Variants in ZC3H12B observed in about 807,000 individuals in gnomAD.
ZC3H12B encodes probable ribonuclease ZC3H12B.
In ZC3H12B, 7 loss-of-function variants were observed where a neutral mutation model predicts 43.9. That is an observed-to-expected ratio of 0.16 (90% confidence interval 0.09 to 0.30). ZC3H12B has a LOEUF of 0.30. ZC3H12B is among the 10% of genes least tolerant of loss of function. The pLI is 1.00. For missense variants in ZC3H12B, 475 were observed against 670.2 expected (o/e 0.71, Z 3.22); for synonymous variants, 222 against 241.7 (o/e 0.92, Z 0.76).
At chrX:65,293,023 C>T in the ZC3H12B span, among the ~76,000 whole-genome samples, 1 of 112,042 alleles carries the variant, frequency 8.9e-6, no homozygotes, top group African/African-American at 3.2e-5. Context: ...AAACATCATT[C>T]AAATACTTTG....
At chrX:65,325,083 T>C in the ZC3H12B span, among the ~76,000 whole-genome samples, 1 of 111,193 alleles carries the variant, frequency 9.0e-6, no homozygotes, top group Admixed American at 9.6e-5. Context: ...TAAAGTTTAT[T>C]TTATCTTATA....
the ZC3H12B span, among the ~76,000 whole-genome samples, chrX:65,045,845 T>C: frequency 8.9e-6 from 1 of 112,132 alleles, no homozygotes. Flanking sequence ...TACTCCTTGA[T>C]TCATGGACCG....
chrX:65,046,850 A>G, the ZC3H12B span, among the ~76,000 whole-genome samples: 18 of 111,145 alleles, frequency 1.6e-4, no homozygotes, highest in Admixed American at 1.7e-3. Context: ...TAGGGTTATT[A>G]ATTATCATGA....
chrX:65,267,864 T>G, the ZC3H12B span, among the ~76,000 whole-genome samples: 1 of 111,449 alleles, frequency 9.0e-6, no homozygotes, highest in Non-Finnish European at 1.9e-5. Context: ...CTCAAGGAGA[T>G]AGGAAAAGAA....
At chrX:65,412,229 G>A (rs999418941) in intron 3 of ZC3H12B, among the ~76,000 whole-genome samples, 2 of 111,419 alleles carry the variant, frequency 1.8e-5, no homozygotes, top group East Asian at 5.6e-4. Flanking sequence ...TCATGTATAT[G>A]GAATTATACA....
At chrX:65,414,285 G>C (rs1466239391) in intron 3 of ZC3H12B, among the ~76,000 whole-genome samples, 1 of 110,434 alleles carries the variant, frequency 9.1e-6, no homozygotes, top group African/African-American at 3.3e-5. Flanking sequence ...GGGGGGAAGG[G>C]TTTGAGAAGT....
At chrX:65,124,546 T>C in the ZC3H12B span, among the ~76,000 whole-genome samples, 1 of 111,084 alleles carries the variant, frequency 9.0e-6, no homozygotes, top group Non-Finnish European at 1.9e-5. Context: ...TTTGGAATAG[T>C]GTCAATAAGA....
At chrX:65,089,245 G>T in the ZC3H12B span, among the ~76,000 whole-genome samples, 2 of 111,334 alleles carry the variant, frequency 1.8e-5, no homozygotes, top group Admixed American at 9.6e-5. Context: ...AAACCTAGAT[G>T]GTATAGCCTA....
At chrX:65,044,530 C>T in the ZC3H12B span, among the ~76,000 whole-genome samples, 1 of 103,919 alleles carries the variant, frequency 9.6e-6, no homozygotes, top group Non-Finnish European at 1.9e-5. Flanking sequence ...AGAATATTGA[C>T]TTGATTTGAT....
At chrX:65,408,414 C>T (rs1435892705) in intron 3 of ZC3H12B, 1 of 1,206,332 alleles carries the variant, frequency 8.3e-7, no homozygotes, top group Non-Finnish European at 1.1e-6. Flanking sequence ...GTCGAACGTG[C>T]CAAACAGGTG....
intron 2 of ZC3H12B, among the ~76,000 whole-genome samples, chrX:65,376,337 T>G (rs2066345989): frequency 8.9e-6 from 1 of 112,094 alleles, no homozygotes; most frequent in African/African-American, 3.2e-5. Flanking sequence ...GCCCTGGTAC[T>G]GGAGAAACTT....
At chrX:65,451,795 C>T (rs910834860) in intron 3 of ZC3H12B, among the ~76,000 whole-genome samples, 7 of 111,739 alleles carry the variant, frequency 6.3e-5, no homozygotes, top group Admixed American at 9.6e-5. Flanking sequence ...TGGGTTTGTG[C>T]GTTTAATTTC....
At chrX:65,260,747 A>G in the ZC3H12B span, among the ~76,000 whole-genome samples, 1 of 111,835 alleles carries the variant, frequency 8.9e-6, no homozygotes. Context: ...TTAATGTTCT[A>G]CCTTTTTACA....
the ZC3H12B span, among the ~76,000 whole-genome samples, chrX:65,250,496 CT>C: frequency 9.0e-6 from 1 of 111,707 alleles, no homozygotes; most frequent in Admixed American, 9.5e-5. Context: ...TTTCTAGATC[CT>C]TGAGGAATTG....
chrX:65,454,673 C>T (rs956091730), intron 3 of ZC3H12B, among the ~76,000 whole-genome samples: 2 of 111,979 alleles, frequency 1.8e-5, no homozygotes, highest in African/African-American at 3.2e-5. Flanking sequence ...GATGGACGGA[C>T]TGCCTCCTCA....
At chrX:65,466,282 A>C (rs2067816506) in intron 3 of ZC3H12B, among the ~76,000 whole-genome samples, 1 of 110,632 alleles carries the variant, frequency 9.0e-6, no homozygotes, top group South Asian at 3.8e-4. Flanking sequence ...TGCTTATTTA[A>C]CTTAGAATAA....
At chrX:65,207,298 C>A in the ZC3H12B span, among the ~76,000 whole-genome samples, 9 of 108,870 alleles carry the variant, frequency 8.3e-5, no homozygotes, top group Middle Eastern at 4.7e-3. Flanking sequence ...GTCTACTACT[C>A]ACCCATAAAA....
At chrX:65,146,667 A>T in the ZC3H12B span, among the ~76,000 whole-genome samples, 3 of 109,528 alleles carry the variant, frequency 2.7e-5, no homozygotes, top group African/African-American at 1.0e-4. Flanking sequence ...TTTATGAAGT[A>T]CTCTCCCCCT....
chrX:65,062,516 T>G, the ZC3H12B span, among the ~76,000 whole-genome samples: 1 of 111,941 alleles, frequency 8.9e-6, no homozygotes, highest in African/African-American at 3.2e-5. Flanking sequence ...AACATTTGTC[T>G]ATATATATGT....
Sources: gnomAD v4.1 joint callset for allele counts (sites outside exome capture counted in the v4.1 genomes callset) on GRCh38, gnomAD v4.1.1 for gene constraint, MANE v1.5 for transcripts, NCBI Gene and HGNC (gene_info 2026-07-23, HGNC 2026-07-21) for gene names.